CETN2: variants seen among roughly 807,000 people sequenced by gnomAD.
CETN2 encodes the protein centrin-2.
Under a neutral mutation model 12.6 loss-of-function variants are expected in CETN2, and 2 were observed. The ratio of observed to expected loss-of-function variants is 0.16; its 90% confidence interval spans 0.07 to 0.50. CETN2 has a LOEUF of 0.50. Among genes scored for constraint, CETN2 ranks in the 20% least tolerant of loss-of-function variants. The pLI is 0.96. For missense variants in CETN2, 81 were observed against 128.3 expected (o/e 0.63, Z 1.78); for synonymous variants, 41 against 43.4 (o/e 0.94, Z 0.22).
rs781959121 is a variant in CETN2 at position 152,828,540 on chromosome X, C to A, written c.426G>T (p.Leu142=). 26 of 1,207,122 alleles carry A rather than the reference C, an allele frequency of 2.2e-5. No homozygotes were observed. The East Asian group carries it at 7.4e-4, about 34-fold the overall frequency. The change falls in exon 4 of 5, where the codon CTG becomes CTT. Residue 142 remains leucine (L), a synonymous_variant. Transcript: ENST00000370277. ...ELGENLTDEE[L]QEMIDEADRD... is the part of the protein sequence containing the mutation. ...TCCAGTGTGATGCATTACAAACCTG[C>A]AGCTCCTCATCAGTCAGGTTCTCAC...
In CETN2 at chrX:152,827,786, G is replaced by A; in HGVS notation, c.*55C>T. ...TCTCAAAAGCCAGATTTCACACCAT[G>A]GCAGGCACTAAATCTAGTTACATGT... On this transcript the variant is annotated 3_prime_UTR_variant, in exon 5 of 5. Coordinates refer to ENST00000370277, the MANE Select transcript of CETN2 (RefSeq NM_004344.3). 1 of 1,013,397 alleles carries A rather than the reference G, an allele frequency of 9.9e-7. No homozygotes were observed. Among genetic ancestry groups the A allele is most frequent in the Non-Finnish European group, 1.4e-6 (1 of 719,377 alleles). The allele number at this position is 1,013,397 out of a possible 1,213,427, so 83.5% of individuals were successfully genotyped here.
rs781977422 is a variant in CETN2 at position 152,827,695 on chromosome X, G to A, written c.*146C>T. 3.1e-4 allele frequency: 139 copies of A among 451,214 alleles called. No individual in the cohort carries two copies. Among genetic ancestry groups the A allele is most frequent in the East Asian group, 8.1e-4 (23 of 28,304 alleles). The allele number at this position is 451,214 out of a possible 1,213,427, so 37.2% of individuals were successfully genotyped here. A position where few individuals can be genotyped will look rare whatever the true frequency, so the allele number is the denominator to read the frequency against. On this transcript the variant is annotated 3_prime_UTR_variant, in exon 5 of 5. Coordinates refer to ENST00000370277, the MANE Select transcript of CETN2 (RefSeq NM_004344.3). ...GTAATATCAAAGAACACTTCCAAAC[G>A]GCTAAAATAGGCTCAAGGTCACTAT...
chrX:152,827,995 CT>C (rs11428901), intron 4 of CETN2, 65 bp from the exon 5 acceptor site: 29,052 of 693,399 alleles, frequency 0.042, 44 homozygotes, highest in Admixed American at 0.097. Flanking sequence ...AAGTAATAGA[CT>C]TTTTTTTTTT....
intron 1 of CETN2, 105 bp downstream of exon 1, chrX:152,830,603 G>A: frequency 1.0e-6 from 1 of 974,123 alleles, no homozygotes; most frequent in Non-Finnish European, 1.4e-6. Flanking sequence ...GGAAAGACTG[G>A]TGCGCTAAAG....
chrX:152,830,575 C>T, intron 1 of CETN2, 133 bp downstream of exon 1: 1 of 846,343 alleles, frequency 1.2e-6, no homozygotes, highest in South Asian at 2.7e-5. Flanking sequence ...ACCCTACTCT[C>T]CCGGGAAAGA....
rs1395756116 is a variant in CETN2 at position 152,829,284 on chromosome X, AG to A, written c.163-8del. On this transcript the variant is annotated splice_region_variant and splice_polypyrimidine_tract_variant and intron_variant, in intron 2 of 4. Transcript: ENST00000370277. ...CCAGGGCCCTCATTGCCACCTATAAAGAAAACAGGATCGTCTCAATAAGCAC... is the reference window on the plus strand; with the variant it reads ...CCAGGGCCCTCATTGCCACCTATAAAAAAACAGGATCGTCTCAATAAGCAC... The A allele has an allele frequency of 6.0e-6, 7 of 1,176,060 alleles. No individual in the cohort carries two copies. The East Asian group carries it at 2.1e-4, about 35-fold the overall frequency.
rs368910748 is a variant in CETN2 at position 152,827,835 on chromosome X, C to T, written c.*6G>A. 1.6e-5 allele frequency: 19 copies of T among 1,197,826 alleles called. No homozygotes were observed. The African/African-American group carries it at 1.9e-4, about 12-fold the overall frequency. On this transcript the variant is annotated 3_prime_UTR_variant, in exon 5 of 5. Coordinates refer to ENST00000370277, the MANE Select transcript of CETN2 (RefSeq NM_004344.3). ...GTGCTTGCAGTAGAAAAAGAAGACA[C>T]TGATCTTAATAGAGGCTGGTCTTTT... is the stretch of plus-strand genomic sequence containing the variant.
rs950477936 is a variant in CETN2, at chrX:152,827,613, T to C, written c.*228A>G. The C allele has an allele frequency of 2.4e-4, 80 of 335,672 alleles. No homozygotes were observed. The highest frequency in any genetic ancestry group is 1.9e-3 in the African/African-American group (75 of 38,965). The allele number at this position is 335,672 out of a possible 1,213,427, so 27.7% of individuals were successfully genotyped here. ...TAAGATCCTTTTCTTCACGCTTGTG[T>C]GCTCTTGTTTTGCTTTTGAGAATTA... On this transcript the variant is annotated 3_prime_UTR_variant, in exon 5 of 5. Coordinates refer to ENST00000370277, the MANE Select transcript of CETN2 (RefSeq NM_004344.3).
chrX:152,827,861 T>C lies in CETN2; in HGVS notation c.499A>G (p.Lys167Glu). The C allele has an allele frequency of 1.4e-5, 17 of 1,210,086 alleles. No individual in the cohort carries two copies. The highest frequency in any genetic ancestry group is 1.8e-5 in the Non-Finnish European group (16 of 893,988). The change falls in exon 5 of 5, where the codon AAA becomes GAA. Residue 167 changes from lysine to glutamate, a missense_variant. Coordinates refer to ENST00000370277, the MANE Select transcript of CETN2 (RefSeq NM_004344.3). Reference protein sequence around the residue: ...VSEQEFLRIMKKTSLY With the variant: ...VSEQEFLRIMEKTSLY ...TGATCTTAATAGAGGCTGGTCTTTTTCATGATGCGCAGGAACTCTTGCTCA... is the reference window on the plus strand; with the variant it reads ...TGATCTTAATAGAGGCTGGTCTTTTCCATGATGCGCAGGAACTCTTGCTCA...
At chrX:152,828,905 A>G in intron 3 of CETN2, 1 of 436,648 alleles carries the variant, frequency 2.3e-6, no homozygotes. Context: ...ATCTCTCCCT[A>G]TCCCATATCT....
chrX:152,828,031 C>T, intron 4 of CETN2, 101 bp from the exon 5 acceptor site: 1 of 627,791 alleles, frequency 1.6e-6, no homozygotes, highest in Non-Finnish European at 2.4e-6. Flanking sequence ...CTATGCTGCC[C>T]ACACTGGTCT....
intron 3 of CETN2, 117 bp from the exon 4 acceptor site, chrX:152,828,791 G>A (rs781873310): frequency 1.1e-5 from 8 of 741,861 alleles, no homozygotes; most frequent in South Asian, 6.1e-5. Context: ...AATGTAACTC[G>A]AGTCTAGACT....
Position 152,828,674 on chromosome X carries a change from A to G in CETN2, c.292T>C (p.Ser98Pro), listed in dbSNP as rs1556842956. The G allele has an allele frequency of 8.3e-7, 1 of 1,207,107 alleles. No homozygotes were observed. Among genetic ancestry groups the G allele is most frequent in the Non-Finnish European group, 1.1e-6 (1 of 892,660 alleles). ...ATTTCTTCTTTAGTATCTTTCTCAG[A>G]CTTAACAAGTAGAACATAAAACACA... is the stretch of plus-strand genomic sequence containing the variant. ...DFLTVMTQKMSEKDTKEEILK... is the reference protein window; with the variant it reads ...DFLTVMTQKMPEKDTKEEILK... The change falls in exon 4 of 5, where the codon TCT (serine) becomes CCT (proline). Residue 98 changes from serine to proline, a missense_variant and splice_region_variant. By Grantham distance (74) the Ser-to-Pro change is moderately conservative. Coordinates refer to ENST00000370277, the MANE Select transcript of CETN2 (RefSeq NM_004344.3).
intron 1 of CETN2, 125 bp from the exon 2 acceptor site, chrX:152,829,885 T>A: frequency 3.8e-6 from 2 of 522,877 alleles, no homozygotes; most frequent in South Asian, 7.2e-5. Context: ...AAGCTTTGCT[T>A]AAAAAGAAAG....
At position 152,829,818 on chromosome X, in the gene CETN2, TAACA is replaced by T. The variant is rs782128875; in HGVS notation, c.4-62_4-59del. On this transcript the variant is annotated intron_variant, in intron 1 of 4. Coordinates refer to ENST00000370277, the MANE Select transcript of CETN2 (RefSeq NM_004344.3). ...ATATATCATACAGTCCATATTTACA[TAACA>T]TAGTTACAGACACCCATATGTATTT... 164 of 939,224 alleles carry T rather than the reference TAACA, an allele frequency of 1.7e-4. 1 individual carries two copies. The highest frequency in any genetic ancestry group is 4.3e-6 in the Non-Finnish European group (3 of 700,150). The allele number at this position is 939,224 out of a possible 1,213,427, so 77.4% of individuals were successfully genotyped here. A position where few individuals can be genotyped will look rare whatever the true frequency, so the allele number is the denominator to read the frequency against.
chrX:152,828,772 CT>C, intron 3 of CETN2, 98 bp from the exon 4 acceptor site: 1 of 855,790 alleles, frequency 1.2e-6, no homozygotes, highest in Non-Finnish European at 1.6e-6. Context: ...TCACCCTTTC[CT>C]TTTTAACAAT....
chrX:152,828,035 C>T (rs1436296156), intron 4 of CETN2, 105 bp from the exon 5 acceptor site: 1 of 611,748 alleles, frequency 1.6e-6, no homozygotes, highest in African/African-American at 2.3e-5. Flanking sequence ...GCTGCCCACA[C>T]TGGTCTCAAA....
At chrX:152,827,988 T>A (rs1482845915) in intron 4 of CETN2, 58 bp from the exon 5 acceptor site, 17 of 989,894 alleles carry the variant, frequency 1.7e-5, no homozygotes, top group Non-Finnish European at 2.4e-5. Context: ...GGTGACTAAG[T>A]AATAGACTTT....
chrX:152,830,405 G>C (rs1223207084), intron 1 of CETN2, among the ~76,000 whole-genome samples: 1 of 113,427 alleles, frequency 8.8e-6, no homozygotes, highest in Non-Finnish European at 1.9e-5. Context: ...AGGTCTGAGA[G>C]AGTCAGGGGC....
Sources: gnomAD v4.1 joint callset for allele counts (sites outside exome capture counted in the v4.1 genomes callset) on GRCh38, gnomAD v4.1.1 for gene constraint, MANE v1.5 for transcripts, NCBI Gene and HGNC (gene_info 2026-07-23, HGNC 2026-07-21) for gene names.